The following MTCL1 variants were observed in gnomAD, a reference collection of about 807,000 sequenced individuals.
The protein encoded by MTCL1 is microtubule crosslinking factor 1, also known as microtubule cross-linking factor 1.
Under a neutral mutation model 141.4 loss-of-function variants are expected in MTCL1, and 79 were observed. The observed-to-expected ratio is 0.56, with a 90% CI of 0.47 to 0.67. The LOEUF (loss-of-function observed/expected upper bound fraction) is 0.67. MTCL1 is among the 30% of genes least tolerant of loss of function. The probability of loss-of-function intolerance (pLI) is 0.00; values close to 1 mark genes in which losing one functional copy is unlikely to be tolerated. For missense variants in MTCL1, 2,177 were observed against 2,113.9 expected, an observed-to-expected ratio of 1.03 and a Z score of -0.59; for synonymous variants, 914 against 875.8, an observed-to-expected ratio of 1.04 and a Z score of -0.77.
chr18:8,813,991 G>C (rs2144258431), intron 12 of MTCL1, among the ~76,000 whole-genome samples: 1 of 152,252 alleles, frequency 6.6e-6, no homozygotes, highest in South Asian at 2.1e-4. Context: ...TATATATTTT[G>C]TTTATTTCAG....
At chr18:8,829,832 G>A (rs566247699) in intron 16 of MTCL1, 17 of 985,238 alleles carry the variant, frequency 1.7e-5, no homozygotes, top group Admixed American at 6.1e-5. Context: ...GCGCAGCATC[G>A]TTTGCTTGTA....
chr18:8,710,232 GCTTTCTGTTC>G (rs2096079670), intron 1 of MTCL1, among the ~76,000 whole-genome samples: 2 of 152,228 alleles, frequency 1.3e-5, no homozygotes, highest in South Asian at 4.1e-4. Flanking sequence ...CCCTGACTCT[GCTTTCTGTTC>G]CTTCTCCACC....
At chr18:8,832,618 T>C (rs935571634) in exon 17 of MTCL1, 7 of 152,228 alleles carry the variant, frequency 4.6e-5, no homozygotes, top group Admixed American at 2.6e-4. Context: ...TTTTAAATTA[T>C]TGTGAAAAGA....
At chr18:8,713,188 CTG>C (rs1445932066), upstream of MTCL1, among the ~76,000 whole-genome samples, 1 of 152,142 alleles carries the variant, frequency 6.6e-6, no homozygotes, top group African/African-American at 2.4e-5. Context: ...GAATAGTCGA[CTG>C]GACTTCACAG....
chr18:8,826,704 C>G (rs956533183), intron 15 of MTCL1, among the ~76,000 whole-genome samples: 1 of 152,190 alleles, frequency 6.6e-6, no homozygotes, highest in Non-Finnish European at 1.5e-5. Context: ...CACAAGATCT[C>G]GATTCCTGGG....
chr18:8,740,799 A>C (rs2096298645), intron 4 of MTCL1, among the ~76,000 whole-genome samples: 1 of 152,190 alleles, frequency 6.6e-6, no homozygotes, highest in Non-Finnish European at 1.5e-5. Context: ...ACTCAATTTT[A>C]GATTACTCCT....
intron 1 of MTCL1, among the ~76,000 whole-genome samples, chr18:8,710,260 A>G (rs566610344): frequency 6.6e-6 from 1 of 152,264 alleles, no homozygotes; most frequent in Non-Finnish European, 1.5e-5. Flanking sequence ...ACCTTCATCA[A>G]ATGGTGCCTG....
chr18:8,786,201 A>T, intron 7 of MTCL1, 110 bp downstream of exon 6: 1 of 1,268,332 alleles, frequency 7.9e-7, no homozygotes, highest in Non-Finnish European at 1.1e-6. Context: ...ACATGGCAGG[A>T]GGAGGTGGAA....
At chr18:8,720,657 G>A (rs558256003) in intron 4 of MTCL1, among the ~76,000 whole-genome samples, 161 bp downstream of exon 3, 24 of 152,230 alleles carry the variant, frequency 1.6e-4, no homozygotes, top group Non-Finnish European at 2.9e-4. Context: ...TTTTCCTAGC[G>A]TGGTAAACAA....
At chr18:8,713,730 A>G (rs1232492605), upstream of MTCL1, among the ~76,000 whole-genome samples, 1 of 152,234 alleles carries the variant, frequency 6.6e-6, no homozygotes, top group African/African-American at 2.4e-5. Context: ...GCAGCAGACC[A>G]ATAATGGTGG....
At chr18:8,734,449 G>T (rs1039120289) in intron 4 of MTCL1, among the ~76,000 whole-genome samples, 1 of 152,038 alleles carries the variant, frequency 6.6e-6, no homozygotes, top group East Asian at 1.9e-4. Context: ...AGCCATCCCC[G>T]TGAAGTCTCC....
chr18:8,811,195 A>C (rs533552225), intron 11 of MTCL1: 1 of 152,462 alleles, frequency 6.6e-6, no homozygotes, highest in Non-Finnish European at 1.5e-5. Flanking sequence ...GGCTGCTTCC[A>C]CTCAGCAAAA....
chr18:8,818,133 G>A (rs1312811318), intron 12 of MTCL1, among the ~76,000 whole-genome samples: 2 of 152,230 alleles, frequency 1.3e-5, no homozygotes, highest in Non-Finnish European at 2.9e-5. Flanking sequence ...TAGACGGCAT[G>A]ACTCCGGTGA....
At chr18:8,767,194 G>T (rs369608872) in intron 4 of MTCL1, among the ~76,000 whole-genome samples, 2 of 152,244 alleles carry the variant, frequency 1.3e-5, no homozygotes, top group African/African-American at 4.8e-5. Flanking sequence ...GTGCCCTGGG[G>T]CTTAGAGCTA....
In MTCL1 at chr18:8,779,364, C is replaced by T. The variant is rs1389635715; in HGVS notation, c.417+1472C>T. ...CATTCCTGGGGCTATCCAATGATCTCTCGAAACCAGAAATGATATGCTTCA... is the reference window on the plus strand; with the variant it reads ...CATTCCTGGGGCTATCCAATGATCTTTCGAAACCAGAAATGATATGCTTCA... On this transcript the variant is annotated intron_variant, in intron 5 of 16. Transcript: ENST00000359865. The surrounding 1 kb of genome is among the most constrained non-coding windows in gnomAD (Gnocchi z 4.1). Among the ~76,000 whole-genome samples, 1 of 152,138 alleles carries T rather than the reference C, an allele frequency of 6.6e-6. No homozygotes were observed. The highest frequency in any genetic ancestry group is 1.9e-4 in the East Asian group (1 of 5,190).
chr18:8,798,728 A>G (rs2076012258), intron 10 of MTCL1, among the ~76,000 whole-genome samples: 1 of 152,236 alleles, frequency 6.6e-6, no homozygotes. Context: ...GCTCCCAAAT[A>G]AAAGTATTTG....
Position 8,753,662 on chromosome 18 carries a change from T to C in MTCL1, c.358-24171T>C, listed in dbSNP as rs541085208. 5.3e-5 allele frequency among the ~76,000 whole-genome samples: 8 copies of C among 152,294 alleles called. No homozygotes were observed. The East Asian group carries it at 9.7e-4, about 18-fold the overall frequency. Reference sequence around the variant, plus strand: ...AACACTGAGCCTGGAGAACCCACCATGTTATAGCCATTTTATAGTAAGCAA... The same window carrying C: ...AACACTGAGCCTGGAGAACCCACCACGTTATAGCCATTTTATAGTAAGCAA... On this transcript the variant is annotated intron_variant, in intron 4 of 16. Coordinates refer to ENST00000359865, the Ensembl canonical transcript of MTCL1.
chr18:8,736,800 G>A (rs569326534), intron 4 of MTCL1, among the ~76,000 whole-genome samples: 30 of 152,058 alleles, frequency 2.0e-4, no homozygotes, highest in African/African-American at 6.7e-4. Flanking sequence ...ACCATGCCCG[G>A]CTAATTTTTT....
chr18:8,736,737 A>G (rs1445634395), intron 4 of MTCL1, among the ~76,000 whole-genome samples: 1 of 148,312 alleles, frequency 6.7e-6, no homozygotes, highest in East Asian at 2.0e-4. Flanking sequence ...TCCCGGGTTC[A>G]TGCCATTCTC....
Sources: allele counts gnomAD v4.1 joint callset (sites outside exome capture counted in the v4.1 genomes callset), GRCh38; gene constraint gnomAD v4.1.1; non-coding constraint Gnocchi (gnomAD v3.1); transcripts MANE v1.5; gene names NCBI Gene and HGNC (gene_info 2026-07-23, HGNC 2026-07-21).